The following RERE variants were observed in gnomAD, a reference collection of about 807,000 sequenced individuals.
The protein encoded by RERE is arginine-glutamic acid dipeptide repeats.
RERE carries 40 observed loss-of-function variants against 146.1 expected under a neutral mutation model. That is an observed-to-expected ratio of 0.27 (90% CI 0.21 to 0.36). The LOEUF (loss-of-function observed/expected upper bound fraction) is 0.36, where lower values mean the gene tolerates loss of function less well. Among genes scored for constraint, RERE ranks in the 10% least tolerant of loss-of-function variants. The probability of loss-of-function intolerance (pLI) is 1.00; values close to 1 mark genes in which losing one functional copy is unlikely to be tolerated. For synonymous variants in RERE, 1,003 were observed against 866.0 expected (o/e 1.16, Z -2.78); for missense variants, 1,933 against 2,138.7 (o/e 0.90, Z 1.90).
chr1:8,786,285 T>G, intron 1 of RERE: 1 of 954,340 alleles, frequency 1.0e-6, no homozygotes. Flanking sequence ...TTTTCTTCAT[T>G]CTATCTTGTG....
chr1:8,719,018 G>A (rs1639811968), intron 1 of RERE, among the ~76,000 whole-genome samples: 1 of 152,076 alleles, frequency 6.6e-6, no homozygotes. Flanking sequence ...AGTGAGGGTG[G>A]TAATTCATTA....
intron 1 of RERE, among the ~76,000 whole-genome samples, chr1:8,783,448 A>G (rs2124563183): frequency 6.6e-6 from 1 of 152,336 alleles, no homozygotes; most frequent in Non-Finnish European, 1.5e-5. Context: ...ACCATTTCTC[A>G]CATGAATTAT....
intron 11 of RERE, among the ~76,000 whole-genome samples, chr1:8,461,108 T>C (rs1489196563): frequency 6.6e-6 from 1 of 152,176 alleles, no homozygotes; most frequent in Non-Finnish European, 1.5e-5. Flanking sequence ...GGTGACTTAA[T>C]CTGTTTCGAT....
intron 1 of RERE, among the ~76,000 whole-genome samples, chr1:8,685,748 G>A (rs35463090): frequency 0.13 from 19,104 of 152,166 alleles, 1,686 homozygotes; most frequent in Non-Finnish European, 0.18. Flanking sequence ...GTGGTACAAT[G>A]TATAAACCAA....
rs1339490148 is a variant in RERE, at chr1:8,360,188, G to C, written c.3319C>G (p.Pro1107Ala). 1 of 1,597,002 alleles carries C rather than the reference G, an allele frequency of 6.3e-7. No homozygotes were observed. Among genetic ancestry groups the C allele is most frequent in the Admixed American group, 1.7e-5 (1 of 58,068 alleles). ...GACGGGCTCCTTGGTGGGGGAGGGG[G>C]GCTCTCAGGCTCCTCAGCGTCGTCC... ...ALDDAEEPES[P>A]PPPPRSPSPE... The change falls in exon 18 of 23, where the codon CCC (proline) becomes GCC (alanine). Residue 1107 changes from proline (P) to alanine (A), a missense_variant. This residue lies in a region of RERE where 1,255 missense variants were observed against 1,153.8 expected (regional missense o/e 1.09). Coordinates refer to ENST00000400908, the MANE Select transcript of RERE (RefSeq NM_001042681.2).
chr1:8,558,511 T>C (rs1045335325), intron 4 of RERE, among the ~76,000 whole-genome samples: 9 of 152,154 alleles, frequency 5.9e-5, no homozygotes, highest in Non-Finnish European at 1.3e-4. Context: ...CACAGGCCCG[T>C]TGGTCAGTAA....
intron 2 of RERE, among the ~76,000 whole-genome samples, chr1:8,628,084 A>T (rs1646995674): frequency 6.6e-6 from 1 of 152,200 alleles, no homozygotes. Context: ...TTTTTGTTTA[A>T]AAAACGACCA....
chr1:8,737,591 T>G (rs1014128929), intron 1 of RERE, among the ~76,000 whole-genome samples: 5 of 152,128 alleles, frequency 3.3e-5, no homozygotes, highest in African/African-American at 9.7e-5. Flanking sequence ...GAATTTTTTT[T>G]TTTTTTAACT....
At chr1:8,611,500 T>G (rs1646792884) in intron 4 of RERE, among the ~76,000 whole-genome samples, 1 of 152,052 alleles carries the variant, frequency 6.6e-6, no homozygotes, top group Non-Finnish European at 1.5e-5. Flanking sequence ...TGAGACTCTG[T>G]CTCAAAACAA....
intron 12 of RERE, among the ~76,000 whole-genome samples, chr1:8,414,316 G>T (rs944684640): frequency 2.0e-5 from 3 of 152,132 alleles, no homozygotes; most frequent in African/African-American, 7.2e-5. Flanking sequence ...GGAGGCAGAG[G>T]CGGGCGAATC....
At chr1:8,464,285 C>A (rs904788898) in intron 11 of RERE, among the ~76,000 whole-genome samples, 2 of 152,150 alleles carry the variant, frequency 1.3e-5, no homozygotes, top group Admixed American at 6.5e-5. Flanking sequence ...CCTAGCTTTT[C>A]CCATTCCTCA....
At chr1:8,418,533 G>A (rs1643839925) in intron 12 of RERE, among the ~76,000 whole-genome samples, 1 of 152,132 alleles carries the variant, frequency 6.6e-6, no homozygotes, top group Admixed American at 6.5e-5. Context: ...AGTGCCAGCT[G>A]AATTTGTCTA....
At chr1:8,606,425 T>C (rs914566626) in intron 4 of RERE, among the ~76,000 whole-genome samples, 3 of 152,116 alleles carry the variant, frequency 2.0e-5, no homozygotes, top group South Asian at 2.1e-4. Context: ...AGTACTAATA[T>C]ACATACTTTA....
At chr1:8,763,770 C>T (rs905902791) in intron 1 of RERE, among the ~76,000 whole-genome samples, 1 of 152,122 alleles carries the variant, frequency 6.6e-6, no homozygotes, top group Admixed American at 6.5e-5. Flanking sequence ...GAAGCCCCAT[C>T]TCTACTAAAA....
intron 1 of RERE, among the ~76,000 whole-genome samples, chr1:8,725,400 T>C (rs1226494884): frequency 6.6e-6 from 1 of 152,144 alleles, no homozygotes; most frequent in Non-Finnish European, 1.5e-5. Flanking sequence ...GCCCCGTTTC[T>C]ACTTAAAATA....
At chr1:8,514,897 A>C (rs1557667955) in intron 7 of RERE, among the ~76,000 whole-genome samples, 1 of 152,236 alleles carries the variant, frequency 6.6e-6, no homozygotes, top group African/African-American at 2.4e-5. Context: ...AGAAGACTCC[A>C]GCTTTCTTCT....
chr1:8,409,823 A>C (rs1182275187), intron 12 of RERE, among the ~76,000 whole-genome samples: 1 of 152,152 alleles, frequency 6.6e-6, no homozygotes, highest in Non-Finnish European at 1.5e-5. Context: ...GATCAAAGCT[A>C]ATGGTCCCTC....
intron 1 of RERE, among the ~76,000 whole-genome samples, chr1:8,686,717 T>G (rs1464363274): frequency 6.6e-6 from 1 of 152,000 alleles, no homozygotes; most frequent in Non-Finnish European, 1.5e-5. Flanking sequence ...GCCATTGTAC[T>G]GCAGCCTAGG....
At chr1:8,789,301 A>AATATATATATATATATATATATAT (rs1553149622) in intron 1 of RERE, among the ~76,000 whole-genome samples, 1 of 24,814 alleles carries the variant, frequency 4.0e-5, no homozygotes, top group African/African-American at 2.3e-4. Flanking sequence ...AAAAAAAAAA[A>AATATATATATATATATATATATAT]ATATATATAT....
Sources: gnomAD v4.1 joint callset for allele counts (sites outside exome capture counted in the v4.1 genomes callset) on GRCh38, gnomAD v4.1.1 for gene constraint, gnomAD v4.1.1 regional missense constraint, MANE v1.5 for transcripts, NCBI Gene and HGNC (gene_info 2026-07-23, HGNC 2026-07-21) for gene names.